The following PLCXD3 variants were observed in gnomAD, a reference collection of about 807,000 sequenced individuals.
The protein encoded by PLCXD3 is phosphatidylinositol specific phospholipase C X domain containing 3.
In PLCXD3, 19 loss-of-function variants were observed where a neutral mutation model predicts 25.5. That is an observed-to-expected ratio of 0.75 (90% CI 0.52 to 1.09). PLCXD3 has a LOEUF of 1.09. PLCXD3 is among the 50% of genes least tolerant of loss of function. PLCXD3 has a pLI of 0.00. For missense variants in PLCXD3, 411 were observed against 388.1 expected (o/e 1.06, Z -0.50); for synonymous variants, 174 against 137.6 (o/e 1.26, Z -1.85).
intron 2 of PLCXD3, among the ~76,000 whole-genome samples, chr5:41,342,272 A>G (rs1371875170): frequency 6.6e-6 from 1 of 152,184 alleles, no homozygotes; most frequent in Admixed American, 6.5e-5. Context: ...CCTGCCAGGC[A>G]CTGTGTTAGG....
At chr5:41,324,534 T>G (rs1743566887) in intron 2 of PLCXD3, among the ~76,000 whole-genome samples, 1 of 152,168 alleles carries the variant, frequency 6.6e-6, no homozygotes, top group Non-Finnish European at 1.5e-5. Context: ...GTGGAGACAT[T>G]TGGTCCCCAC....
At chr5:41,399,782 G>T (rs1002115773) in intron 1 of PLCXD3, among the ~76,000 whole-genome samples, 2 of 152,176 alleles carry the variant, frequency 1.3e-5, no homozygotes, top group Middle Eastern at 3.4e-3. Flanking sequence ...ACCATGGTGT[G>T]GGCAAACATT....
intron 2 of PLCXD3, among the ~76,000 whole-genome samples, chr5:41,350,602 A>T (rs1744431464): frequency 6.6e-6 from 1 of 152,222 alleles, no homozygotes; most frequent in Admixed American, 6.5e-5. Flanking sequence ...TGCTTAAAAA[A>T]ATACAATAGG....
chr5:41,346,408 A>G (rs1038844982), intron 2 of PLCXD3, among the ~76,000 whole-genome samples: 3 of 152,096 alleles, frequency 2.0e-5, no homozygotes, highest in Non-Finnish European at 4.4e-5. Context: ...GGTTTTGACA[A>G]ATGCATGATG....
At chr5:41,395,758 G>C (rs938127317) in intron 1 of PLCXD3, among the ~76,000 whole-genome samples, 5 of 151,982 alleles carry the variant, frequency 3.3e-5, no homozygotes, top group African/African-American at 9.7e-5. Flanking sequence ...TGAACCAAAA[G>C]AAATCCAAAA....
intron 1 of PLCXD3, among the ~76,000 whole-genome samples, chr5:41,491,914 G>A (rs1580400496): frequency 6.6e-6 from 1 of 152,230 alleles, no homozygotes; most frequent in East Asian, 1.9e-4. Flanking sequence ...TCTTTTAATT[G>A]GAGTATTTAG....
chr5:41,441,358 A>T (rs1561274658), intron 1 of PLCXD3, among the ~76,000 whole-genome samples: 1 of 152,182 alleles, frequency 6.6e-6, no homozygotes, highest in African/African-American at 2.4e-5. Context: ...TCTCCACCAC[A>T]GTTTTCAAGA....
At chr5:41,444,211 G>A (rs534615938) in intron 1 of PLCXD3, among the ~76,000 whole-genome samples, 2 of 152,106 alleles carry the variant, frequency 1.3e-5, no homozygotes, top group African/African-American at 4.8e-5. Context: ...CTTACCCTGG[G>A]TGTCTCCCAC....
At chr5:41,390,746 A>G (rs753887036) in intron 1 of PLCXD3, among the ~76,000 whole-genome samples, 8 of 152,188 alleles carry the variant, frequency 5.3e-5, no homozygotes, top group Admixed American at 6.6e-5. Context: ...CACCTTCATA[A>G]GGAACAAAAA....
chr5:41,423,821 T>G (rs904943721), intron 1 of PLCXD3, among the ~76,000 whole-genome samples: 6 of 152,136 alleles, frequency 3.9e-5, no homozygotes, highest in African/African-American at 1.4e-4. Flanking sequence ...CTACCTTTGT[T>G]GAGATATATT....
chr5:41,353,562 C>T (rs533570613), intron 2 of PLCXD3, among the ~76,000 whole-genome samples: 6 of 152,300 alleles, frequency 3.9e-5, no homozygotes, highest in African/African-American at 1.4e-4. Context: ...ATTTATTGAG[C>T]ATCTACTATA....
intron 1 of PLCXD3, among the ~76,000 whole-genome samples, chr5:41,393,201 C>A (rs530056121): frequency 6.6e-6 from 1 of 152,110 alleles, no homozygotes; most frequent in East Asian, 1.9e-4. Context: ...ATATCAACAT[C>A]CAAATACAAG....
At chr5:41,384,092 C>T in intron 1 of PLCXD3, among the ~76,000 whole-genome samples, 1 of 152,046 alleles carries the variant, frequency 6.6e-6, no homozygotes, top group African/African-American at 2.4e-5. Context: ...GAATGATTTC[C>T]TTTTTCAAAA....
At chr5:41,471,893 CTCCCTTCCCTTCCCT>C (rs1490541341) in intron 1 of PLCXD3, among the ~76,000 whole-genome samples, 1 of 4,688 alleles carries the variant, frequency 2.1e-4, no homozygotes, top group Non-Finnish European at 4.3e-4. Flanking sequence ...TTCCCCTCCC[CTCCCTTCCCTTCCCT>C]TCCCTTCCCT....
chr5:41,488,147 T>A (rs1383331220), intron 1 of PLCXD3, among the ~76,000 whole-genome samples: 1 of 149,396 alleles, frequency 6.7e-6, no homozygotes, highest in South Asian at 2.2e-4. Flanking sequence ...ATTGTTCAAT[T>A]CCCACCTATG....
intron 2 of PLCXD3, among the ~76,000 whole-genome samples, chr5:41,375,179 A>G (rs13180384): frequency 7.1e-5 from 7 of 98,186 alleles, no homozygotes; most frequent in East Asian, 2.8e-4. Context: ...GAGAAAGAGA[A>G]AGAGAGAGAG....
intron 1 of PLCXD3, among the ~76,000 whole-genome samples, chr5:41,424,610 A>G (rs1042262063): frequency 2.0e-5 from 3 of 152,130 alleles, no homozygotes; most frequent in African/African-American, 7.2e-5. Context: ...TTTGATATCT[A>G]CTTTTGCTGT....
intron 1 of PLCXD3, among the ~76,000 whole-genome samples, chr5:41,477,148 G>A (rs922528300): frequency 2.9e-4 from 44 of 152,222 alleles, no homozygotes; most frequent in Non-Finnish European, 4.4e-4. Context: ...TGAACTAGGA[G>A]AAAATTTACT....
chr5:41,438,764 C>T (rs1023537102), intron 1 of PLCXD3, among the ~76,000 whole-genome samples: 1 of 150,528 alleles, frequency 6.6e-6, no homozygotes, highest in Non-Finnish European at 1.5e-5. Context: ...ATAGCTAGTC[C>T]TTTGGAGCTT....
Sources: gnomAD v4.1 joint callset for allele counts (sites outside exome capture counted in the v4.1 genomes callset) on GRCh38, gnomAD v4.1.1 for gene constraint, MANE v1.5 for transcripts, NCBI Gene and HGNC (gene_info 2026-07-23, HGNC 2026-07-21) for gene names.